The following SLC15A1 variants were observed in gnomAD, a reference collection of about 807,000 sequenced individuals.
SLC15A1 encodes the protein solute carrier family 15 member 1.
SLC15A1 carries 83 observed loss-of-function variants against 92.9 expected under a neutral mutation model. The observed-to-expected ratio is 0.89, with a 90% CI of 0.75 to 1.07. The LOEUF (loss-of-function observed/expected upper bound fraction) is 1.07. Ranked by LOEUF, SLC15A1 falls within the 50% of genes least tolerant of loss-of-function variation. SLC15A1 has a pLI of 0.00. For missense variants in SLC15A1, 857 were observed against 880.1 expected, an observed-to-expected ratio of 0.97 and a Z score of 0.33; for synonymous variants, 322 against 318.2, an observed-to-expected ratio of 1.01 and a Z score of -0.13.
chr13:98,748,537 C>T lies in SLC15A1; in HGVS notation c.4+4058G>A, dbSNP rs957977266. On this transcript the variant is annotated intron_variant, in intron 1 of 22. Coordinates refer to ENST00000376503, the MANE Select transcript of SLC15A1 (RefSeq NM_005073.4). ...TTCAAACTCCTGAGCTCAAATGATCCGCCTGTCTCAGCCTCTCCAAACGCT... is the reference window on the plus strand; with the variant it reads ...TTCAAACTCCTGAGCTCAAATGATCTGCCTGTCTCAGCCTCTCCAAACGCT... 5.9e-5 allele frequency among the ~76,000 whole-genome samples: 9 copies of T among 152,258 alleles called. 1 individual carries two copies. Among genetic ancestry groups the T allele is most frequent in the Admixed American group, 3.3e-4 (5 of 15,290 alleles).
chr13:98,743,996 G>A (rs2088471178), intron 1 of SLC15A1, among the ~76,000 whole-genome samples: 1 of 151,924 alleles, frequency 6.6e-6, no homozygotes, highest in Admixed American at 6.6e-5. Flanking sequence ...TGTCACAGGA[G>A]AAAATGACTC....
At chr13:98,745,388 A>G (rs2088484376) in intron 1 of SLC15A1, among the ~76,000 whole-genome samples, 1 of 152,174 alleles carries the variant, frequency 6.6e-6, no homozygotes, top group Non-Finnish European at 1.5e-5. Flanking sequence ...GGGGTGTCGA[A>G]TAGTGTCCTG....
rs528742316 is a variant in SLC15A1, at chr13:98,713,691, C to T, written c.724-1107G>A. ...AAAGGCCTTTGGGAAGAGCAAAGTG[C>T]ATTTGCAAAGACACAGCAAGAGGTG... On this transcript the variant is annotated intron_variant, in intron 9 of 22. Coordinates refer to ENST00000376503, the MANE Select transcript of SLC15A1 (RefSeq NM_005073.4). 2.6e-5 allele frequency among the ~76,000 whole-genome samples: 4 copies of T among 152,244 alleles called. No individual in the cohort carries two copies. The South Asian group carries it at 6.2e-4, about 24-fold the overall frequency.
intron 17 of SLC15A1, 65 bp from the exon 18 acceptor site, chr13:98,702,594 G>T (rs918547325): frequency 2.3e-6 from 3 of 1,282,804 alleles, no homozygotes; most frequent in African/African-American, 3.0e-5. Flanking sequence ...GAGTTCAGAT[G>T]AATATTTCAG....
intron 2 of SLC15A1, 80 bp downstream of exon 2, chr13:98,726,763 G>C: frequency 5.2e-6 from 7 of 1,355,712 alleles, no homozygotes; most frequent in Non-Finnish European, 7.4e-6. Flanking sequence ...AGATCTGTTA[G>C]GTGAATGAAC....
intron 18 of SLC15A1, among the ~76,000 whole-genome samples, chr13:98,692,136 C>CTTTTTTTTTTTTTTAT (rs2087984281): frequency 1.5e-5 from 1 of 67,616 alleles, no homozygotes; most frequent in African/African-American, 4.4e-5. Context: ...TTCTCCTAAA[C>CTTTTTTTTTTTTTTAT]TTTTTTTTTT....
Position 98,687,737 on chromosome 13 carries a change from G to A in SLC15A1, c.1684-13C>T. 6.2e-7 allele frequency: 1 copy of A among 1,607,952 alleles called. No individual in the cohort carries two copies. Among genetic ancestry groups the A allele is most frequent in the Non-Finnish European group, 8.5e-7 (1 of 1,177,890 alleles). ...GGCAGCTGTCATTCTGCAGCAGTAA[G>A]GCAAAAGCAGAAGAAGTTGAGATAG... is the stretch of plus-strand genomic sequence containing the variant. On this transcript the variant is annotated splice_polypyrimidine_tract_variant and intron_variant, in intron 20 of 22. Coordinates refer to ENST00000376503, the MANE Select transcript of SLC15A1 (RefSeq NM_005073.4).
intron 18 of SLC15A1, among the ~76,000 whole-genome samples, chr13:98,691,569 G>A (rs1390956466): frequency 2.6e-5 from 4 of 152,104 alleles, no homozygotes; most frequent in South Asian, 4.1e-4. Context: ...ACAATACATG[G>A]CGTATAGCCT....
chr13:98,685,040 G>T, intron 22 of SLC15A1, 125 bp from the exon 23 acceptor site: 1 of 880,918 alleles, frequency 1.1e-6, no homozygotes, highest in Non-Finnish European at 1.7e-6. Flanking sequence ...TTAAATTATG[G>T]AAAATTGGTA....
At chr13:98,733,231 C>T (rs569342011) in intron 1 of SLC15A1, among the ~76,000 whole-genome samples, 1 of 152,298 alleles carries the variant, frequency 6.6e-6, no homozygotes, top group East Asian at 1.9e-4. Flanking sequence ...TACAAGAAGA[C>T]ACCTGTGTGA....
chr13:98,688,315 C>T lies in SLC15A1; in HGVS notation c.1616G>A (p.Cys539Tyr). The change falls in exon 20 of 23, where the codon TGT becomes TAT. Residue 539 changes from cysteine (C) to tyrosine (Y), a missense_variant. Coordinates refer to ENST00000376503, the MANE Select transcript of SLC15A1 (RefSeq NM_005073.4). The part of the protein sequence containing the change: ...TISSTEIPPQ[C>Y]QPNFNTFYLE... ...GTAGAAAGTATTGAAATTAGGTTGA[C>T]ATTGTGGCGGAATCTCTGTTGAGCT... The T allele has an allele frequency of 6.2e-7, 1 of 1,614,062 alleles. No individual in the cohort carries two copies. Among genetic ancestry groups the T allele is most frequent in the South Asian group, 1.1e-5 (1 of 91,070 alleles).
rs770207162 is a variant in SLC15A1 at position 98,726,201 on chromosome 13, T to C, written c.167A>G (p.Tyr56Cys). 4 of 1,613,824 alleles carry C rather than the reference T, an allele frequency of 2.5e-6. No homozygotes were observed. In the East Asian group the frequency reaches 6.7e-5, roughly 27 times the overall value. The change falls in exon 4 of 23, where the codon TAC (tyrosine) becomes TGC (cysteine). Residue 56 changes from tyrosine (Y) to cysteine (C), a missense_variant. Physicochemically the swap from Tyr to Cys is radical, Grantham distance 194. Coordinates refer to ENST00000376503, the MANE Select transcript of SLC15A1 (RefSeq NM_005073.4). ...GTAGCACAGAGCCACAAACGTATGG[T>C]AGATGGCGGTGGACAGGTTATCATC... ...SWDDNLSTAI[Y>C]HTFVALCYLT... is the part of the protein sequence containing the mutation.
At chr13:98,736,335 T>G (rs1275539115) in intron 1 of SLC15A1, among the ~76,000 whole-genome samples, 1 of 152,158 alleles carries the variant, frequency 6.6e-6, no homozygotes, top group Non-Finnish European at 1.5e-5. Flanking sequence ...TATACAAAAA[T>G]TAATTCAAGA....
At chr13:98,739,311 A>G (rs1174702082) in intron 1 of SLC15A1, among the ~76,000 whole-genome samples, 1 of 152,214 alleles carries the variant, frequency 6.6e-6, no homozygotes, top group Non-Finnish European at 1.5e-5. Flanking sequence ...TTGGGAAGGC[A>G]TGCTTGTATT....
intron 11 of SLC15A1, among the ~76,000 whole-genome samples, chr13:98,710,349 C>A (rs1332003620): frequency 1.3e-5 from 2 of 152,176 alleles, no homozygotes; most frequent in Non-Finnish European, 2.9e-5. Context: ...GCACCTAGAT[C>A]TCCATCAAGA....
At chr13:98,740,927 A>C (rs2088438826) in intron 1 of SLC15A1, among the ~76,000 whole-genome samples, 1 of 152,240 alleles carries the variant, frequency 6.6e-6, no homozygotes, top group South Asian at 2.1e-4. Context: ...GGTTAGCTTT[A>C]GAAGAAATTC....
At chr13:98,740,561 C>T (rs994621308) in intron 1 of SLC15A1, among the ~76,000 whole-genome samples, 4 of 152,146 alleles carry the variant, frequency 2.6e-5, no homozygotes, top group Non-Finnish European at 5.9e-5. Flanking sequence ...TCTGCCTCCT[C>T]GGCTTCCCAA....
chr13:98,750,067 A>T (rs2088530131), intron 1 of SLC15A1, among the ~76,000 whole-genome samples: 1 of 151,988 alleles, frequency 6.6e-6, no homozygotes, highest in Non-Finnish European at 1.5e-5. Flanking sequence ...CATGAGCCCA[A>T]CAAGACACTC....
intron 22 of SLC15A1, 35 bp downstream of exon 22, chr13:98,686,155 C>G: frequency 1.4e-6 from 2 of 1,457,418 alleles, no homozygotes; most frequent in Non-Finnish European, 1.9e-6. Context: ...ACAGGAAAGA[C>G]AGAGGTATGT....
Sources: allele counts gnomAD v4.1 joint callset (sites outside exome capture counted in the v4.1 genomes callset), GRCh38; gene constraint gnomAD v4.1.1; transcripts MANE v1.5; gene names NCBI Gene and HGNC (gene_info 2026-07-23, HGNC 2026-07-21).